PRKD1: variants seen among roughly 807,000 people sequenced by gnomAD.
PRKD1 encodes the protein protein kinase D1.
PRKD1 carries 63 observed loss-of-function variants against 95.9 expected under a neutral mutation model. That is an observed-to-expected ratio of 0.66 (90% CI 0.54 to 0.81). The LOEUF (loss-of-function observed/expected upper bound fraction) is 0.81, where lower values mean the gene tolerates loss of function less well. PRKD1 is among the 30% of genes least tolerant of loss of function. The pLI is 0.00. For missense variants in PRKD1, 1,048 were observed against 1,165.3 expected, an observed-to-expected ratio of 0.90 and a Z score of 1.47; for synonymous variants, 425 against 423.1, an observed-to-expected ratio of 1.00 and a Z score of -0.05.
chr14:29,787,349 T>C (rs1012409993), intron 1 of PRKD1, among the ~76,000 whole-genome samples: 4 of 151,878 alleles, frequency 2.6e-5, no homozygotes, highest in Non-Finnish European at 5.9e-5. Context: ...ATCCGTTTGG[T>C]TTATATATAG....
At chr14:29,887,937 G>A (rs577742000) in intron 1 of PRKD1, among the ~76,000 whole-genome samples, 1 of 152,278 alleles carries the variant, frequency 6.6e-6, no homozygotes, top group East Asian at 1.9e-4. Context: ...GTTAAGAGAT[G>A]CATTACTGAG....
intron 4 of PRKD1, among the ~76,000 whole-genome samples, chr14:29,661,381 T>C (rs963656287): frequency 6.6e-6 from 1 of 152,206 alleles, no homozygotes; most frequent in Non-Finnish European, 1.5e-5. Flanking sequence ...TTTACTATTA[T>C]TGCTATAATA....
At chr14:29,790,953 A>G (rs1406327612) in intron 1 of PRKD1, among the ~76,000 whole-genome samples, 1 of 152,194 alleles carries the variant, frequency 6.6e-6, no homozygotes, top group Non-Finnish European at 1.5e-5. Context: ...GCTCCTCTTC[A>G]GTCTAGGTGA....
chr14:29,873,816 AATAT>A (rs1451334651), intron 1 of PRKD1, among the ~76,000 whole-genome samples: 4 of 151,598 alleles, frequency 2.6e-5, no homozygotes, highest in Non-Finnish European at 4.4e-5. Flanking sequence ...AGTTGTATAT[AATAT>A]ATAAATTATT....
At chr14:29,641,232 T>C (rs1317257726) in intron 4 of PRKD1, among the ~76,000 whole-genome samples, 2 of 152,176 alleles carry the variant, frequency 1.3e-5, no homozygotes, top group African/African-American at 4.8e-5. Flanking sequence ...AACTATGTAA[T>C]TTATAGTGTC....
At chr14:29,899,046 T>G (rs1958982) in intron 1 of PRKD1, among the ~76,000 whole-genome samples, 9,880 of 152,256 alleles carry the variant, frequency 0.065, 390 homozygotes, top group South Asian at 0.11. Flanking sequence ...CATTTATGAT[T>G]CAAATATGAA....
At chr14:29,717,814 C>T (rs575111948) in intron 2 of PRKD1, among the ~76,000 whole-genome samples, 2 of 152,232 alleles carry the variant, frequency 1.3e-5, no homozygotes, top group South Asian at 4.1e-4. Flanking sequence ...CTTTTCACTT[C>T]CGGGTTTGTC....
At chr14:29,614,081 A>C (rs141480424) in intron 13 of PRKD1, among the ~76,000 whole-genome samples, 1 of 152,312 alleles carries the variant, frequency 6.6e-6, no homozygotes, top group East Asian at 1.9e-4. Flanking sequence ...GTTTGCTTTC[A>C]TGATGATTTT....
chr14:29,890,215 T>C (rs1234571365), intron 1 of PRKD1, among the ~76,000 whole-genome samples: 1 of 152,244 alleles, frequency 6.6e-6, no homozygotes, highest in African/African-American at 2.4e-5. Context: ...CATGTTCAGT[T>C]ATTTCAAGCA....
chr14:29,879,232 C>A (rs2139392266), intron 1 of PRKD1, among the ~76,000 whole-genome samples: 1 of 152,318 alleles, frequency 6.6e-6, no homozygotes, highest in East Asian at 1.9e-4. Context: ...TATGTCCCCA[C>A]CCAAATCTCA....
At chr14:29,644,639 A>G (rs1316638326) in intron 4 of PRKD1, among the ~76,000 whole-genome samples, 4 of 152,136 alleles carry the variant, frequency 2.6e-5, no homozygotes, top group African/African-American at 9.7e-5. Context: ...CTGGGGACTA[A>G]ATCTAGTTGA....
chr14:29,880,511 G>C (rs1305005116), intron 1 of PRKD1, among the ~76,000 whole-genome samples: 2 of 152,204 alleles, frequency 1.3e-5, no homozygotes, highest in Non-Finnish European at 2.9e-5. Flanking sequence ...GAGAACCTCT[G>C]CTAGGGCAGT....
intron 2 of PRKD1, among the ~76,000 whole-genome samples, chr14:29,717,883 T>G (rs1885702707): frequency 6.6e-6 from 1 of 152,160 alleles, no homozygotes; most frequent in Non-Finnish European, 1.5e-5. Flanking sequence ...TTAGGGGTGC[T>G]TGAGGAAAAA....
chr14:29,834,447 CT>C (rs1229429562), intron 1 of PRKD1, among the ~76,000 whole-genome samples: 4 of 152,046 alleles, frequency 2.6e-5, no homozygotes, highest in African/African-American at 4.8e-5. Context: ...AATCAAATAT[CT>C]TTTTTTCATT....
intron 1 of PRKD1, among the ~76,000 whole-genome samples, chr14:29,918,105 T>C (rs1420691833): frequency 6.6e-6 from 1 of 152,142 alleles, no homozygotes; most frequent in African/African-American, 2.4e-5. Context: ...AGATTTTAAA[T>C]GTTCTCACCA....
rs747688196 is a variant in PRKD1, at chr14:29,666,204, G to A, written c.408C>T (p.Ser136=). Residue 136 remains serine, a synonymous_variant, in exon 3 of 18, where the codon TCC becomes TCT. Coordinates refer to ENST00000331968, the MANE Select transcript of PRKD1 (RefSeq NM_002742.3). ...GDLIEVVLSA[S]ATFEDFQIRP... The stretch of plus-strand genomic sequence containing the variant: ...GAATCTGAAAGTCTTCAAAGGTGGC[G>A]GAAGCTGTAAAAATAGTGATGTTGA... The A allele has an allele frequency of 1.7e-5, 27 of 1,588,784 alleles. No homozygotes were observed. In the Admixed American group the frequency reaches 1.8e-4, roughly 11 times the overall value.
intron 13 of PRKD1, among the ~76,000 whole-genome samples, chr14:29,618,499 G>C (rs555033443): frequency 2.6e-5 from 4 of 152,024 alleles, no homozygotes; most frequent in Non-Finnish European, 4.4e-5. Flanking sequence ...CAGGTGATCC[G>C]GCTGCCTCAG....
At chr14:29,869,822 C>T (rs1893040423) in intron 1 of PRKD1, among the ~76,000 whole-genome samples, 1 of 152,118 alleles carries the variant, frequency 6.6e-6, no homozygotes, top group Non-Finnish European at 1.5e-5. Flanking sequence ...AACAAGGAGC[C>T]CAATGTAGTC....
At chr14:29,735,468 G>GA (rs1453273034) in intron 1 of PRKD1, among the ~76,000 whole-genome samples, 1 of 152,156 alleles carries the variant, frequency 6.6e-6, no homozygotes, top group Non-Finnish European at 1.5e-5. Context: ...AAAGAGTAGA[G>GA]AAAAAATTCA....
Sources: gnomAD v4.1 joint callset for allele counts (sites outside exome capture counted in the v4.1 genomes callset) on GRCh38, gnomAD v4.1.1 for gene constraint, MANE v1.5 for transcripts, NCBI Gene and HGNC (gene_info 2026-07-23, HGNC 2026-07-21) for gene names.